Variants in SOX6 observed in about 807,000 individuals in gnomAD.
SOX6 encodes the protein SRY-box transcription factor 6.
In SOX6, 11 loss-of-function variants were observed where a neutral mutation model predicts 97.8. The ratio of observed to expected loss-of-function variants is 0.11; its 90% CI spans 0.07 to 0.19. The LOEUF is 0.19. Among genes scored for constraint, SOX6 ranks in the 10% least tolerant of loss-of-function variants. SOX6 has a pLI of 1.00. For synonymous variants in SOX6, 360 were observed against 371.4 expected, an observed-to-expected ratio of 0.97 and a Z score of 0.35; for missense variants, 810 against 1,039.5, an observed-to-expected ratio of 0.78 and a Z score of 3.04.
At chr11:16,530,367 A>C (rs74900500) in intron 4 of SOX6, among the ~76,000 whole-genome samples, 3,659 of 152,172 alleles carry the variant, frequency 0.024, 70 homozygotes, top group Middle Eastern at 0.068. Flanking sequence ...TGTTAAAGTG[A>C]AGAAATAAAA....
At chr11:16,693,883 AAGTATGATTC>A (rs1848034011) in intron 3 of SOX6, among the ~76,000 whole-genome samples, 1 of 152,152 alleles carries the variant, frequency 6.6e-6, no homozygotes, top group Non-Finnish European at 1.5e-5. Context: ...TCTCCAACTC[AAGTATGATTC>A]AGTTCATGGC....
At chr11:16,263,745 C>A (rs1853974720) in intron 3 of SOX6, among the ~76,000 whole-genome samples, 1 of 29,332 alleles carries the variant, frequency 3.4e-5, no homozygotes, top group South Asian at 4.1e-3. Context: ...AACTCATGGT[C>A]AAAATGTATT....
Position 16,341,252 on chromosome 11 carries a change from T to C in SOX6, c.-4A>G. ...AGGTGGCTTGCTTGGAAGACATTCTTCTGCAGAAAAAAAACAGAACGGATT... is the reference window on the plus strand; with the variant it reads ...AGGTGGCTTGCTTGGAAGACATTCTCCTGCAGAAAAAAAACAGAACGGATT... On this transcript the variant is annotated splice_region_variant and 5_prime_UTR_variant, in exon 2 of 16. In the 5' UTR this introduces an upstream ATG that the reference lacks. Coordinates refer to ENST00000683767, the MANE Select transcript of SOX6 (RefSeq NM_001367873.1). 6.2e-7 allele frequency: 1 copy of C among 1,612,526 alleles called. No individual in the cohort carries two copies. The highest frequency in any genetic ancestry group is 8.5e-7 in the Non-Finnish European group (1 of 1,179,168).
chr11:16,357,929 A>G (rs115705211), upstream of SOX6, among the ~76,000 whole-genome samples: 1 of 152,292 alleles, frequency 6.6e-6, no homozygotes, highest in African/African-American at 2.4e-5. Context: ...TTTATTCAGC[A>G]TTGGTTAATG....
chr11:16,399,373 T>C (rs1429017797), intron 1 of SOX6, among the ~76,000 whole-genome samples: 1 of 151,148 alleles, frequency 6.6e-6, no homozygotes, highest in Non-Finnish European at 1.5e-5. Context: ...TTTATTTTAT[T>C]TTAAGAAACT....
intron 2 of SOX6, among the ~76,000 whole-genome samples, chr11:16,326,047 G>T (rs1856078932): frequency 1.3e-5 from 2 of 152,060 alleles, no homozygotes; most frequent in African/African-American, 4.8e-5. Context: ...ATAAATGTCT[G>T]TTGTTTATAA....
chr11:16,136,777 C>A (rs1334277888), intron 6 of SOX6, among the ~76,000 whole-genome samples: 1 of 152,114 alleles, frequency 6.6e-6, no homozygotes, highest in Admixed American at 6.6e-5. Flanking sequence ...AAAATTCATG[C>A]AACTCATTTT....
intron 1 of SOX6, among the ~76,000 whole-genome samples, chr11:16,399,086 T>C (rs1265968205): frequency 6.6e-6 from 1 of 151,252 alleles, no homozygotes; most frequent in Non-Finnish European, 1.5e-5. Flanking sequence ...CTTCCTAGAT[T>C]TACGATCTAG....
intron 6 of SOX6, among the ~76,000 whole-genome samples, chr11:16,175,240 T>G (rs921114080): frequency 9.2e-5 from 14 of 151,934 alleles, no homozygotes; most frequent in Admixed American, 7.9e-4. Context: ...TATTAGAAAC[T>G]CTGAAATTAT....
chr11:16,324,011 C>G (rs1475715122), intron 2 of SOX6, among the ~76,000 whole-genome samples: 4 of 151,916 alleles, frequency 2.6e-5, no homozygotes, highest in African/African-American at 9.7e-5. Context: ...AGCAAGACCC[C>G]ATCCCTACAA....
chr11:16,165,685 G>T (rs1850869380), intron 6 of SOX6, among the ~76,000 whole-genome samples: 1 of 152,058 alleles, frequency 6.6e-6, no homozygotes, highest in South Asian at 2.1e-4. Context: ...ATCACTTGAG[G>T]TCAGGAGTTC....
In SOX6 at chr11:16,055,816, C is replaced by G. The variant is rs1847800459; in HGVS notation, c.1187G>C (p.Gly396Ala). ...PSTPQPPNTAGTVSPTGIKNE... is the reference protein window; with the variant it reads ...PSTPQPPNTAATVSPTGIKNE... Reference sequence around the variant, plus strand: ...TTTTATCCCAGTAGGTGAGACCGTCCCTGCTGTGTTTGGTGGCTGTGGAGT... The same window carrying G: ...TTTTATCCCAGTAGGTGAGACCGTCGCTGCTGTGTTTGGTGGCTGTGGAGT... Residue 396 changes from glycine to alanine, a missense_variant, in exon 10 of 16, where the codon GGG (glycine) becomes GCG (alanine). Physicochemically the swap from Gly to Ala is moderately conservative, Grantham distance 60. Coordinates refer to ENST00000683767, the MANE Select transcript of SOX6 (RefSeq NM_001367873.1). 6.2e-7 allele frequency: 1 copy of G among 1,613,650 alleles called. No homozygotes were observed. Among genetic ancestry groups the G allele is most frequent in the African/African-American group, 1.3e-5 (1 of 74,848 alleles).
intron 9 of SOX6, among the ~76,000 whole-genome samples, chr11:16,085,154 G>A (rs1848550876): frequency 6.6e-6 from 1 of 152,022 alleles, no homozygotes; most frequent in Non-Finnish European, 1.5e-5. Context: ...CCCCTATTTG[G>A]CCATGAAGAG....
At chr11:16,200,496 C>A (rs1426840358) in intron 4 of SOX6, among the ~76,000 whole-genome samples, 1 of 152,190 alleles carries the variant, frequency 6.6e-6, no homozygotes, top group Non-Finnish European at 1.5e-5. Context: ...TTAAAGTGCT[C>A]ATTGACTTTC....
Position 16,410,348 on chromosome 11 carries a change from C to T in SOX6, c.-5+65967G>A, listed in dbSNP as rs527827387. Among the ~76,000 whole-genome samples the T allele has an allele frequency of 3.6e-4, 55 of 152,224 alleles. No individual in the cohort carries two copies. In the South Asian group the frequency reaches 0.011, roughly 30 times the overall value. On this transcript the variant is annotated intron_variant, in intron 1 of 15. Coordinates refer to the SOX6 transcript ENST00000396356. ...GGCTTCCCTAAGTGTTTGTGTAGGT[C>T]ATGACAGGCTCTTTGTGGTGGGAAA...
At chr11:16,456,100 C>T (rs1859805655) in intron 1 of SOX6, among the ~76,000 whole-genome samples, 1 of 152,014 alleles carries the variant, frequency 6.6e-6, no homozygotes, top group African/African-American at 2.4e-5. Flanking sequence ...AACACATAGT[C>T]CAGGGGGCTA....
At chr11:16,637,879 T>C (rs1443095326) in intron 3 of SOX6, among the ~76,000 whole-genome samples, 1 of 152,050 alleles carries the variant, frequency 6.6e-6, no homozygotes, top group Non-Finnish European at 1.5e-5. Context: ...AAATGTTTTT[T>C]CCATTCACAT....
At chr11:16,736,490 G>T (rs948630690) in intron 1 of SOX6, 1 of 152,166 alleles carries the variant, frequency 6.6e-6, no homozygotes, top group African/African-American at 2.4e-5. Flanking sequence ...AGAAATAAAA[G>T]ACATGTTGCT....
rs150438957 is a variant in SOX6, at chr11:16,214,336, A to G, written c.535+20246T>C. Reference sequence around the variant, plus strand: ...AAAGGTCACAACACTCTCAAGTACTATTTGTAGTGACCTATTTCTCTTCTT... The same window carrying G: ...AAAGGTCACAACACTCTCAAGTACTGTTTGTAGTGACCTATTTCTCTTCTT... On this transcript the variant is annotated intron_variant, in intron 4 of 15. Coordinates refer to ENST00000683767, the MANE Select transcript of SOX6 (RefSeq NM_001367873.1). Among the ~76,000 whole-genome samples the G allele has an allele frequency of 7.9e-5, 12 of 152,298 alleles. No homozygotes were observed. The East Asian group carries it at 2.3e-3, about 29-fold the overall frequency.
Sources: allele counts gnomAD v4.1 joint callset (sites outside exome capture counted in the v4.1 genomes callset), GRCh38; gene constraint gnomAD v4.1.1; transcripts MANE v1.5; gene names NCBI Gene and HGNC (gene_info 2026-07-23, HGNC 2026-07-21).